Variants in CAND1 observed in about 807,000 individuals in gnomAD.
CAND1 encodes cullin-associated NEDD8-dissociated protein 1.
In CAND1, 7 loss-of-function variants were observed where a neutral mutation model predicts 108.5. That is an observed-to-expected ratio of 0.06 (90% CI 0.04 to 0.12). The LOEUF (loss-of-function observed/expected upper bound fraction) is 0.12, where lower values mean the gene tolerates loss of function less well. Ranked by LOEUF, CAND1 falls within the 10% of genes least tolerant of loss-of-function variation. The pLI, the probability that CAND1 is intolerant of heterozygous loss-of-function variation, is 1.00. For missense variants in CAND1, 941 were observed against 1,448.7 expected (o/e 0.65, Z 5.69); for synonymous variants, 534 against 512.0 (o/e 1.04, Z -0.58).
intron 14 of CAND1, 61 bp downstream of exon 14, chr12:67,311,861 T>G (rs1179108425): frequency 1.1e-6 from 1 of 939,944 alleles, no homozygotes; most frequent in Non-Finnish European, 1.8e-6. Context: ...CCTAGCCAAT[T>G]CTTTTCTCTA....
At chr12:67,276,270 C>T (rs2135990162) in intron 1 of CAND1, among the ~76,000 whole-genome samples, 1 of 152,308 alleles carries the variant, frequency 6.6e-6, no homozygotes, top group Non-Finnish European at 1.5e-5. Context: ...CCAACAGTCT[C>T]CCTAGTCTCC....
intron 7 of CAND1, among the ~76,000 whole-genome samples, chr12:67,300,755 A>G (rs2136012767): frequency 6.6e-6 from 1 of 152,318 alleles, no homozygotes; most frequent in African/African-American, 2.4e-5. Context: ...TCCAGTGCCT[A>G]GGACAGTACT....
intron 1 of CAND1, among the ~76,000 whole-genome samples, chr12:67,273,479 C>CT (rs535435592): frequency 0.5 from 65,377 of 130,612 alleles, 17,117 homozygotes; most frequent in Non-Finnish European, 0.6. Flanking sequence ...AAGTTCTTTT[C>CT]TTTTTTTTTT....
intron 1 of CAND1, chr12:67,270,113 C>T: frequency 3.3e-6 from 1 of 305,988 alleles, no homozygotes; most frequent in Non-Finnish European, 6.0e-6. Context: ...CTAAACCACC[C>T]ACCATTGTGG....
chr12:67,269,573 C>A lies in CAND1; in HGVS notation c.-145C>A. On this transcript the variant is annotated 5_prime_UTR_variant, in exon 1 of 15. Transcript: ENST00000545606. ...GGGGGCAGCCCGTCGAGGCGCCTCC[C>A]TAGTCAGCGTCGGCGTCGCGCTGCG... 1.5e-6 allele frequency: 1 copy of A among 651,184 alleles called. No homozygotes were observed. Among genetic ancestry groups the A allele is most frequent in the Non-Finnish European group, 2.6e-6 (1 of 388,108 alleles). 40.3% of individuals were successfully genotyped at this position (651,184 alleles called of 1,614,324 possible). A position where few individuals can be genotyped will look rare whatever the true frequency, so the allele number is the denominator to read the frequency against.
chr12:67,312,881 T>C lies in CAND1; in HGVS notation c.*51T>C. 1 of 1,150,028 alleles carries C rather than the reference T, an allele frequency of 8.7e-7. No individual in the cohort carries two copies. The highest frequency in any genetic ancestry group is 1.2e-6 in the Non-Finnish European group (1 of 800,874). 71.2% of individuals were successfully genotyped at this position (1,150,028 alleles called of 1,614,324 possible). A position where few individuals can be genotyped will look rare whatever the true frequency, so the allele number is the denominator to read the frequency against. On this transcript the variant is annotated 3_prime_UTR_variant, in exon 15 of 15. Coordinates refer to ENST00000545606, the MANE Select transcript of CAND1 (RefSeq NM_018448.5). ...ACATATGACCATACAATGCACTGAA[T>C]TGACAGGTTAATCATAAGACATGGA...
intron 2 of CAND1, among the ~76,000 whole-genome samples, chr12:67,290,918 C>G (rs2044716544): frequency 6.6e-6 from 1 of 152,138 alleles, no homozygotes; most frequent in South Asian, 2.1e-4. Context: ...AGCACGAACC[C>G]TATTGTAAAC....
chr12:67,289,360 A>G (rs1310647736), intron 2 of CAND1, among the ~76,000 whole-genome samples: 2 of 65,208 alleles, frequency 3.1e-5, no homozygotes, highest in Non-Finnish European at 6.0e-5. Flanking sequence ...CTGGGATTAC[A>G]GGCATGTACC....
chr12:67,301,233 G>C (rs1414305428), intron 7 of CAND1, among the ~76,000 whole-genome samples: 1 of 152,086 alleles, frequency 6.6e-6, no homozygotes, highest in East Asian at 1.9e-4. Context: ...AATGTGCTAA[G>C]GTGAATTTTA....
At chr12:67,299,131 T>C in intron 7 of CAND1, 36 bp downstream of exon 7, 1 of 1,484,802 alleles carries the variant, frequency 6.7e-7, no homozygotes, top group Non-Finnish European at 9.0e-7. Context: ...TGAGTTTTTG[T>C]GAAAGACACT....
At chr12:67,293,882 A>G (rs981877372) in intron 3 of CAND1, among the ~76,000 whole-genome samples, 2 of 152,204 alleles carry the variant, frequency 1.3e-5, no homozygotes, top group Non-Finnish European at 2.9e-5. Flanking sequence ...TCTAAACATC[A>G]ATCATATGGG....
chr12:67,312,826 G>C lies in CAND1; in HGVS notation c.3689G>C (p.Ser1230Thr). 1 of 1,600,502 alleles carries C rather than the reference G, an allele frequency of 6.2e-7. No individual in the cohort carries two copies. The highest frequency in any genetic ancestry group is 8.5e-7 in the Non-Finnish European group (1 of 1,170,044). Residue 1230 changes from serine (S) to threonine (T), a missense_variant, in exon 15 of 15, where the codon AGT becomes ACT. Physicochemically the swap from Ser to Thr is moderately conservative, Grantham distance 58. Transcript: ENST00000545606. ...ACTAACTTGGAATCAATGGACACTA[G>C]TTAGATGTTTGTTCACCATGGGGAC... ...SSTNLESMDT[S>T]
intron 1 of CAND1, among the ~76,000 whole-genome samples, chr12:67,274,897 A>G (rs1410656886): frequency 6.6e-6 from 1 of 152,214 alleles, no homozygotes; most frequent in African/African-American, 2.4e-5. Context: ...TATAGCTGAA[A>G]GTACAGTGTG....
In CAND1 at chr12:67,305,465, C is replaced by G; in HGVS notation, c.1797C>G (p.Asn599Lys). 1 of 1,613,634 alleles carries G rather than the reference C, an allele frequency of 6.2e-7. No homozygotes were observed. The highest frequency in any genetic ancestry group is 8.5e-7 in the Non-Finnish European group (1 of 1,180,020). ...CCTGTATGGGACAAATTATTTGCAA[C>G]CTTGGAGACAATTTGGGTTCTGACT... ...AISCMGQIIC[N>K]LGDNLGSDLP... Residue 599 changes from asparagine to lysine, a missense_variant, in exon 10 of 15, where the codon AAC (asparagine) becomes AAG (lysine). By Grantham distance (94) the Asn-to-Lys change is moderately conservative. Around this residue, in one of 9 missense-constraint regions of CAND1, gnomAD observed 697 missense variants for 942.0 expected, o/e 0.74. Transcript: ENST00000545606. The surrounding 1 kb of genome is among the most constrained non-coding windows in gnomAD (Gnocchi z 4.4).
intron 8 of CAND1, among the ~76,000 whole-genome samples, chr12:67,303,996 T>C (rs1334867801): frequency 1.3e-5 from 2 of 150,554 alleles, no homozygotes; most frequent in Non-Finnish European, 1.5e-5. Context: ...CTTTCTCTTT[T>C]TTTTTTTTTT....
intron 8 of CAND1, among the ~76,000 whole-genome samples, chr12:67,302,909 C>G (rs1378786201): frequency 6.6e-6 from 1 of 152,180 alleles, no homozygotes; most frequent in African/African-American, 2.4e-5. Flanking sequence ...TACTTGCGAT[C>G]ACATAACTGA....
In CAND1 at chr12:67,313,199, A is replaced by T. The variant is rs1305251601; in HGVS notation, c.*369A>T. 1 of 155,898 alleles carries T rather than the reference A, an allele frequency of 6.4e-6. No individual in the cohort carries two copies. Among genetic ancestry groups the T allele is most frequent in the Non-Finnish European group, 1.4e-5 (1 of 70,378 alleles). 9.7% of individuals were successfully genotyped at this position (155,898 alleles called of 1,614,324 possible). On this transcript the variant is annotated 3_prime_UTR_variant, in exon 15 of 15. Coordinates refer to ENST00000545606, the MANE Select transcript of CAND1 (RefSeq NM_018448.5). Reference sequence around the variant, plus strand: ...GACCATGAATTTCTTTCTTTTATAAATTTTCTCATTTAAAAATCAAAAATC... The same window carrying T: ...GACCATGAATTTCTTTCTTTTATAATTTTTCTCATTTAAAAATCAAAAATC...
chr12:67,304,667 G>A lies in CAND1; in HGVS notation c.1356G>A (p.Gln452=), dbSNP rs756807672. The A allele has an allele frequency of 6.2e-7, 1 of 1,613,968 alleles. No homozygotes were observed. The highest frequency in any genetic ancestry group is 1.1e-5 in the South Asian group (1 of 91,082). ...QMKEKSVKTR[Q]CCFNMLTELV... Reference sequence around the variant, plus strand: ...AAGAAAAAAGTGTGAAGACCCGACAGTGTTGTTTTAACATGTTAACTGAGC... The same window carrying A: ...AAGAAAAAAGTGTGAAGACCCGACAATGTTGTTTTAACATGTTAACTGAGC... Residue 452 remains glutamine (Q), a synonymous_variant, in exon 9 of 15, where the codon CAG becomes CAA. Coordinates refer to ENST00000545606, the MANE Select transcript of CAND1 (RefSeq NM_018448.5).
chr12:67,297,862 T>C lies in CAND1; in HGVS notation c.854+9T>C. ...GAATCATTTGTAAGAAGGTAAGTTTTTAAGATCTCTATTTTTTACAAAAAG... is the reference window on the plus strand; with the variant it reads ...GAATCATTTGTAAGAAGGTAAGTTTCTAAGATCTCTATTTTTTACAAAAAG... On this transcript the variant is annotated intron_variant, in intron 6 of 14. Coordinates refer to ENST00000545606, the MANE Select transcript of CAND1 (RefSeq NM_018448.5). 1 of 1,497,612 alleles carries C rather than the reference T, an allele frequency of 6.7e-7. No individual in the cohort carries two copies. Among genetic ancestry groups the C allele is most frequent in the Non-Finnish European group, 9.2e-7 (1 of 1,087,126 alleles). The allele number at this position is 1,497,612 out of a possible 1,614,324, so 92.8% of individuals were successfully genotyped here. A position where few individuals can be genotyped will look rare whatever the true frequency, so the allele number is the denominator to read the frequency against.
Sources: allele counts gnomAD v4.1 joint callset (sites outside exome capture counted in the v4.1 genomes callset), GRCh38; gene constraint gnomAD v4.1.1; regional missense constraint gnomAD v4.1.1; non-coding constraint Gnocchi (gnomAD v3.1); transcripts MANE v1.5; gene names NCBI Gene and HGNC (gene_info 2026-07-23, HGNC 2026-07-21).